GMPR: variants seen among roughly 807,000 people sequenced by gnomAD.
GMPR encodes the protein GMP reductase 1.
A neutral mutation model predicts 38.4 loss-of-function variants in GMPR; 31 were observed. The observed-to-expected ratio is 0.81, with a 90% CI of 0.61 to 1.09. GMPR has a LOEUF of 1.09. GMPR is among the 50% of genes least tolerant of loss of function. GMPR has a pLI of 0.00. For missense variants in GMPR, 468 were observed against 453.7 expected (o/e 1.03, Z -0.29); for synonymous variants, 162 against 173.3 (o/e 0.93, Z 0.51).
At chr6:16,285,953 G>A in intron 7 of GMPR, 118 bp downstream of exon 7, 1 of 853,796 alleles carries the variant, frequency 1.2e-6, no homozygotes, top group South Asian at 1.4e-5. Context: ...TGGGTCTCCT[G>A]GAGGTTCCTC....
intron 8 of GMPR, among the ~76,000 whole-genome samples, chr6:16,294,300 A>G (rs953734831): frequency 4.6e-5 from 7 of 152,206 alleles, no homozygotes; most frequent in African/African-American, 1.7e-4. Flanking sequence ...GTAAGAGAAC[A>G]GGGAGTCGAA....
At chr6:16,266,603 C>T (rs999917156) in intron 4 of GMPR, among the ~76,000 whole-genome samples, 12 of 151,370 alleles carry the variant, frequency 7.9e-5, no homozygotes, top group Non-Finnish European at 1.5e-5. Context: ...GAGATCATAA[C>T]CATCCTGGCT....
intron 3 of GMPR, among the ~76,000 whole-genome samples, chr6:16,251,025 C>T (rs1243964585): frequency 6.6e-6 from 1 of 152,134 alleles, no homozygotes; most frequent in African/African-American, 2.4e-5. Flanking sequence ...TGTGACCCAG[C>T]AATTCCATTT....
intron 3 of GMPR, among the ~76,000 whole-genome samples, chr6:16,251,286 C>T (rs749298611): frequency 2.0e-5 from 3 of 152,084 alleles, no homozygotes; most frequent in African/African-American, 7.2e-5. Flanking sequence ...AAAAGCCAGA[C>T]GCAGCCCGGC....
At chr6:16,266,287 G>A (rs1015277829) in intron 4 of GMPR, among the ~76,000 whole-genome samples, 2 of 151,376 alleles carry the variant, frequency 1.3e-5, no homozygotes, top group African/African-American at 4.9e-5. Context: ...CTTCATTCCT[G>A]AAGTCAGTGT....
intron 6 of GMPR, among the ~76,000 whole-genome samples, chr6:16,280,601 G>A (rs908812980): frequency 1.6e-4 from 24 of 152,278 alleles, no homozygotes; most frequent in African/African-American, 5.5e-4. Context: ...TCACGGGAGC[G>A]GCCAGGCAGT....
chr6:16,284,713 G>T (rs1182883467), intron 6 of GMPR, among the ~76,000 whole-genome samples: 2 of 152,098 alleles, frequency 1.3e-5, no homozygotes, highest in Non-Finnish European at 2.9e-5. Flanking sequence ...TTGGTGTCTT[G>T]TGTTTGTAAG....
chr6:16,246,957 C>A lies in GMPR; in HGVS notation c.203C>A (p.Ser68Ter). 1 of 1,613,712 alleles carries A rather than the reference C, an allele frequency of 6.2e-7. No individual in the cohort carries two copies. The highest frequency in any genetic ancestry group is 1.7e-5 in the Admixed American group (1 of 59,960). ...ACGTTTGAGATGGCAGCCGTGATGT[C>A]ACAGGTGAGGCGGTAGGCTTTTGTT... The part of the protein sequence containing the change: ...VGTFEMAAVM[S>*]QHSMFTAIHK... The change falls in exon 2 of 9, where the codon TCA (serine) becomes TAA (stop). Residue 68 changes from serine to a stop codon, truncating the protein, a stop_gained. Coordinates refer to ENST00000259727, the MANE Select transcript of GMPR (RefSeq NM_006877.4). LOFTEE classifies it high-confidence loss of function.
At position 16,261,573 on chromosome 6, in the gene GMPR, T is replaced by C. The variant is rs1759086753; in HGVS notation, c.465+6838T>C. Among the ~76,000 whole-genome samples the C allele has an allele frequency of 2.6e-5, 4 of 151,980 alleles. No homozygotes were observed. In the Admixed American group the frequency reaches 2.7e-4, roughly 10 times the overall value. ...GGGGTGGATAGGCAAAACAATTTGG[T>C]TGATAAGGCGCAGATCCTGAACTAA... On this transcript the variant is annotated intron_variant, in intron 4 of 8. Transcript: ENST00000259727.
chr6:16,273,616 T>TG (rs1472819149), intron 4 of GMPR, among the ~76,000 whole-genome samples: 2 of 152,186 alleles, frequency 1.3e-5, no homozygotes, highest in African/African-American at 4.8e-5. Flanking sequence ...CCTGTCTAGA[T>TG]GGGAATCCCA....
At chr6:16,284,748 G>A (rs1019303757) in intron 6 of GMPR, among the ~76,000 whole-genome samples, 2 of 152,130 alleles carry the variant, frequency 1.3e-5, no homozygotes, top group African/African-American at 4.8e-5. Context: ...GGCTGGGCGC[G>A]GTGGTGCACG....
intron 8 of GMPR, among the ~76,000 whole-genome samples, chr6:16,294,523 T>C (rs1759899622): frequency 1.3e-5 from 2 of 152,226 alleles, no homozygotes; most frequent in African/African-American, 4.8e-5. Context: ...TCTGGACTTT[T>C]CCTGTTGTTG....
At chr6:16,268,843 A>C (rs1325802032) in intron 4 of GMPR, among the ~76,000 whole-genome samples, 1 of 151,972 alleles carries the variant, frequency 6.6e-6, no homozygotes, top group African/African-American at 2.4e-5. Context: ...TGAACTGTAC[A>C]CCTAAAAACT....
chr6:16,288,264 C>T (rs944370420), intron 7 of GMPR, among the ~76,000 whole-genome samples: 1 of 152,242 alleles, frequency 6.6e-6, no homozygotes. Flanking sequence ...GGGAGAGGCG[C>T]GAGTGGCAAC....
chr6:16,290,450 G>T lies in GMPR; in HGVS notation c.698-12G>T. On this transcript the variant is annotated splice_polypyrimidine_tract_variant and intron_variant, in intron 7 of 8. Coordinates refer to ENST00000259727, the MANE Select transcript of GMPR (RefSeq NM_006877.4). Reference sequence around the variant, plus strand: ...TCTGCTACTCGCTTTCATCCCCACCGTTGGCATTTAGGAGCTGGAGCAGAT... The same window carrying T: ...TCTGCTACTCGCTTTCATCCCCACCTTTGGCATTTAGGAGCTGGAGCAGAT... The T allele has an allele frequency of 6.2e-7, 1 of 1,612,696 alleles. No homozygotes were observed.
intron 7 of GMPR, chr6:16,290,231 G>A (rs887410073): frequency 2.0e-5 from 11 of 559,170 alleles, no homozygotes; most frequent in African/African-American, 1.9e-4. Context: ...TGGGACACTA[G>A]CCTTCAGTAG....
At chr6:16,245,850 A>T (rs1758741436) in intron 1 of GMPR, among the ~76,000 whole-genome samples, 1 of 152,156 alleles carries the variant, frequency 6.6e-6, no homozygotes. Flanking sequence ...TGGTCGGAGG[A>T]TCCAGGCCCG....
In GMPR at chr6:16,267,216, GAAA is replaced by G. The variant is rs935758049; in HGVS notation, c.466-7195_466-7193del. On this transcript the variant is annotated intron_variant, in intron 4 of 8. Coordinates refer to ENST00000259727, the MANE Select transcript of GMPR (RefSeq NM_006877.4). ...ATCTCTACTAAAAGTACAAAAAAAA[GAAA>G]AAATTAGTCGGGTGCAGTGGCGGGC... Among the ~76,000 whole-genome samples, 5 of 152,062 alleles carry G rather than the reference GAAA, an allele frequency of 3.3e-5. No homozygotes were observed. In the East Asian group the frequency reaches 5.8e-4, roughly 18 times the overall value.
chr6:16,285,862 A>G (rs1243233348), intron 7 of GMPR, 27 bp downstream of exon 7: 2 of 1,585,014 alleles, frequency 1.3e-6, no homozygotes, highest in South Asian at 2.3e-5. Context: ...GTGCAGAGGG[A>G]GGGAAGGAAG....
Sources: allele counts gnomAD v4.1 joint callset (sites outside exome capture counted in the v4.1 genomes callset), GRCh38; gene constraint gnomAD v4.1.1; transcripts MANE v1.5; gene names NCBI Gene and HGNC (gene_info 2026-07-23, HGNC 2026-07-21).